The following ANKS1B variants were observed in gnomAD, a reference collection of about 807,000 sequenced individuals.
ANKS1B encodes the protein ankyrin repeat and sterile alpha motif domain-containing protein 1B.
In ANKS1B, 36 loss-of-function variants were observed where a neutral mutation model predicts 148.3. The ratio of observed to expected loss-of-function variants is 0.24; its 90% CI spans 0.19 to 0.32. The LOEUF (loss-of-function observed/expected upper bound fraction) is 0.32, where lower values mean the gene tolerates loss of function less well. ANKS1B is among the 10% of genes least tolerant of loss of function. The probability of loss-of-function intolerance (pLI) is 1.00; values close to 1 mark genes in which losing one functional copy is unlikely to be tolerated. For synonymous variants in ANKS1B, 542 were observed against 560.8 expected (o/e 0.97, Z 0.47); for missense variants, 1,157 against 1,542.6 (o/e 0.75, Z 4.19).
chr12:98,990,566 G>GA (rs146384725), intron 17 of ANKS1B, among the ~76,000 whole-genome samples: 7,770 of 116,796 alleles, frequency 0.067, 218 homozygotes, highest in African/African-American at 0.077. Context: ...GAGAGAGAGA[G>GA]AAAAAAAAAA....
chr12:98,757,164 C>A (rs1210151649), intron 25 of ANKS1B, among the ~76,000 whole-genome samples: 4 of 152,186 alleles, frequency 2.6e-5, no homozygotes, highest in African/African-American at 9.7e-5. Context: ...CAGGCCAGCC[C>A]AGGCTCAAGA....
intron 9 of ANKS1B, among the ~76,000 whole-genome samples, chr12:99,652,611 T>A (rs1324706021): frequency 6.6e-6 from 1 of 152,102 alleles, no homozygotes; most frequent in Non-Finnish European, 1.5e-5. Flanking sequence ...CAGTAAAAAT[T>A]AAAATCCCAA....
intron 14 of ANKS1B, among the ~76,000 whole-genome samples, chr12:99,167,063 C>CA (rs34837374): frequency 2.0e-5 from 3 of 151,238 alleles, no homozygotes; most frequent in East Asian, 1.9e-4. Context: ...ACCTATATGC[C>CA]AAAAAAAATT....
At chr12:99,740,642 C>T (rs1365555568) in intron 8 of ANKS1B, among the ~76,000 whole-genome samples, 1 of 152,180 alleles carries the variant, frequency 6.6e-6, no homozygotes, top group Non-Finnish European at 1.5e-5. Context: ...CAGTCTGCAG[C>T]TCCCAGTGAG....
rs371644925 is a variant in ANKS1B, at chr12:98,752,220, G to T, written c.3580-698C>A. ...TGTGCCCTGACCACCTTGGGCACATGGTCTCAGGACCTCCCAAGGCTGTGT... is the reference window on the plus strand; with the variant it reads ...TGTGCCCTGACCACCTTGGGCACATTGTCTCAGGACCTCCCAAGGCTGTGT... On this transcript the variant is annotated intron_variant, in intron 25 of 26. Coordinates refer to ENST00000683438, the MANE Select transcript of ANKS1B (RefSeq NM_001352186.2). 1.1e-4 allele frequency among the ~76,000 whole-genome samples: 17 copies of T among 151,906 alleles called. No individual in the cohort carries two copies. In the East Asian group the frequency reaches 3.1e-3, roughly 28 times the overall value.
intron 19 of ANKS1B, among the ~76,000 whole-genome samples, chr12:98,815,989 G>A (rs1234500582): frequency 6.6e-6 from 1 of 152,074 alleles, no homozygotes; most frequent in Non-Finnish European, 1.5e-5. Flanking sequence ...GACCTGCAAG[G>A]TTCTCCGTTC....
chr12:99,518,667 C>CA (rs1013283959), intron 9 of ANKS1B, among the ~76,000 whole-genome samples: 2 of 151,830 alleles, frequency 1.3e-5, no homozygotes, highest in Admixed American at 6.6e-5. Context: ...TTTATCTTTT[C>CA]AAAAAAACAA....
chr12:99,410,535 T>G (rs1019780737), intron 11 of ANKS1B, among the ~76,000 whole-genome samples: 1 of 152,002 alleles, frequency 6.6e-6, no homozygotes, highest in Non-Finnish European at 1.5e-5. Context: ...CGGGTGTGGT[T>G]GCAGGCTCCT....
intron 14 of ANKS1B, among the ~76,000 whole-genome samples, chr12:99,208,289 C>T: frequency 6.6e-6 from 1 of 152,034 alleles, no homozygotes; most frequent in Non-Finnish European, 1.5e-5. Context: ...TTAATTATTA[C>T]TCTGGTTAAA....
downstream of ANKS1B, among the ~76,000 whole-genome samples, chr12:98,742,392 A>G (rs1305449774): frequency 6.6e-6 from 1 of 151,238 alleles, no homozygotes; most frequent in African/African-American, 2.4e-5. Context: ...GAGGTTTTGG[A>G]GAGAAAAACA....
chr12:99,970,991 G>A (rs1471254915), intron 1 of ANKS1B, among the ~76,000 whole-genome samples: 1 of 152,126 alleles, frequency 6.6e-6, no homozygotes, highest in Non-Finnish European at 1.5e-5. Flanking sequence ...AATCCACAAA[G>A]TACTCAGCAA....
chr12:99,707,805 G>A (rs551226839), intron 8 of ANKS1B, among the ~76,000 whole-genome samples: 4 of 149,650 alleles, frequency 2.7e-5, no homozygotes, highest in Admixed American at 2.6e-4. Context: ...CGCTGTCTTA[G>A]AGTTATTATA....
At chr12:99,757,076 C>T (rs2061637088) in intron 8 of ANKS1B, among the ~76,000 whole-genome samples, 1 of 151,946 alleles carries the variant, frequency 6.6e-6, no homozygotes, top group South Asian at 2.1e-4. Flanking sequence ...AAAGCAACTA[C>T]AACAAAAGCA....
intron 9 of ANKS1B, among the ~76,000 whole-genome samples, chr12:99,592,783 G>C (rs574985949): frequency 1.4e-4 from 21 of 152,184 alleles, no homozygotes; most frequent in African/African-American, 4.1e-4. Flanking sequence ...ATGTGCCCAA[G>C]GTGCTCAGGG....
At chr12:99,559,809 G>A (rs187955177) in intron 9 of ANKS1B, among the ~76,000 whole-genome samples, 28 of 152,200 alleles carry the variant, frequency 1.8e-4, no homozygotes, top group African/African-American at 6.5e-4. Context: ...GTGAAGATAA[G>A]TATTGCTGCT....
chr12:99,869,616 G>A (rs1417517938), intron 1 of ANKS1B, among the ~76,000 whole-genome samples: 1 of 151,966 alleles, frequency 6.6e-6, no homozygotes, highest in Non-Finnish European at 1.5e-5. Flanking sequence ...GAGAGGCAAA[G>A]GTTGTGGTGG....
chr12:99,246,525 C>G lies in ANKS1B; in HGVS notation c.2096G>C (p.Gly699Ala), dbSNP rs2073900639. The change falls in exon 13 of 27, where the codon GGG becomes GCG. Residue 699 changes from glycine to alanine, a missense_variant. By Grantham distance (60) the Gly-to-Ala change is moderately conservative. Around this residue, in one of 6 missense-constraint regions of ANKS1B, gnomAD observed 661 missense variants for 642.1 expected, o/e 1.03. Transcript: ENST00000683438. ...CCCTGCGTTCATAACCCACTGGTCC[C>G]CATTCCGAGATCCACTCCTGGTTGA... ...TRSTRSGSRNGDQWVMNAGGF... is the reference protein window; with the variant it reads ...TRSTRSGSRNADQWVMNAGGF... 1 of 1,613,370 alleles carries G rather than the reference C, an allele frequency of 6.2e-7. No individual in the cohort carries two copies. The highest frequency in any genetic ancestry group is 1.3e-5 in the African/African-American group (1 of 74,730).
intron 17 of ANKS1B, among the ~76,000 whole-genome samples, chr12:98,870,201 A>G (rs995397444): frequency 5.9e-5 from 9 of 152,248 alleles, no homozygotes; most frequent in Non-Finnish European, 1.3e-4. Flanking sequence ...GCACATGAAC[A>G]ATGCTTAAAC....
At chr12:99,492,142 G>C (rs1473448370) in intron 10 of ANKS1B, among the ~76,000 whole-genome samples, 2 of 152,042 alleles carry the variant, frequency 1.3e-5, no homozygotes, top group Admixed American at 1.3e-4. Flanking sequence ...AAATTAATAA[G>C]ATAGGCCACT....
Sources: gnomAD v4.1 joint callset for allele counts (sites outside exome capture counted in the v4.1 genomes callset) on GRCh38, gnomAD v4.1.1 for gene constraint, gnomAD v4.1.1 regional missense constraint, MANE v1.5 for transcripts, NCBI Gene and HGNC (gene_info 2026-07-23, HGNC 2026-07-21) for gene names.